Variants in TBL1X observed in about 807,000 individuals in gnomAD.
The protein encoded by TBL1X is F-box-like/WD repeat-containing protein TBL1X.
A neutral mutation model predicts 50.7 loss-of-function variants in TBL1X; 10 were observed. The observed-to-expected ratio is 0.20, with a 90% CI of 0.12 to 0.33. TBL1X has a LOEUF of 0.33. Among genes scored for constraint, TBL1X ranks in the 10% least tolerant of loss-of-function variants. The probability of loss-of-function intolerance (pLI) is 1.00; values close to 1 mark genes in which losing one functional copy is unlikely to be tolerated. For synonymous variants in TBL1X, 190 were observed against 214.7 expected, an observed-to-expected ratio of 0.88 and a Z score of 1.01; for missense variants, 340 against 504.4, an observed-to-expected ratio of 0.67 and a Z score of 3.12.
At chrX:9,664,135 A>G (rs1417452770) in intron 5 of TBL1X, among the ~76,000 whole-genome samples, 2 of 112,268 alleles carry the variant, frequency 1.8e-5, no homozygotes, top group African/African-American at 3.2e-5. Flanking sequence ...AGATGCCTAG[A>G]TGGGAGGAGA....
intron 11 of TBL1X, among the ~76,000 whole-genome samples, chrX:9,695,247 T>C (rs1040638290): frequency 5.3e-5 from 6 of 112,285 alleles, no homozygotes; most frequent in South Asian, 3.7e-4. Context: ...CCTAAAATTC[T>C]ACTACCTGGC....
At chrX:9,514,596 T>C (rs917787504) in intron 2 of TBL1X, among the ~76,000 whole-genome samples, 2 of 112,135 alleles carry the variant, frequency 1.8e-5, no homozygotes, top group African/African-American at 6.5e-5. Context: ...TTCTTTTGAT[T>C]AATTACACAC....
intron 5 of TBL1X, among the ~76,000 whole-genome samples, chrX:9,658,305 G>T (rs1199471259): frequency 9.0e-6 from 1 of 111,250 alleles, no homozygotes; most frequent in Non-Finnish European, 1.9e-5. Context: ...CTGGTCACTT[G>T]TGCTATCTGG....
rs1020040226 is a variant in TBL1X at position 9,716,365 on chromosome X, C to T, written c.*119C>T. ...ACTTGCGTTAGAGTGTACTCTGAAA[C>T]CAACTCGTCTCTGGCCGCAGGAGTC... On this transcript the variant is annotated 3_prime_UTR_variant, in exon 18 of 18. Transcript: ENST00000645353. The T allele has an allele frequency of 4.6e-5, 35 of 768,359 alleles. No individual in the cohort carries two copies. Among genetic ancestry groups the T allele is most frequent in the Admixed American group, 4.3e-4 (14 of 32,439 alleles). The allele number at this position is 768,359 out of a possible 1,213,427, so 63.3% of individuals were successfully genotyped here. A position where few individuals can be genotyped will look rare whatever the true frequency, so the allele number is the denominator to read the frequency against.
At chrX:9,701,712 G>A (rs977527608) in intron 12 of TBL1X, among the ~76,000 whole-genome samples, 1 of 111,026 alleles carries the variant, frequency 9.0e-6, no homozygotes, top group African/African-American at 3.3e-5. Context: ...AGATGGAGGA[G>A]TCATCAGATG....
At chrX:9,586,609 A>G (rs1203554573) in intron 2 of TBL1X, among the ~76,000 whole-genome samples, 1 of 112,330 alleles carries the variant, frequency 8.9e-6, no homozygotes, top group Admixed American at 9.4e-5. Context: ...GTACTTAAAA[A>G]TGGTTAAGAG....
At chrX:9,483,994 T>A (rs1474339030) in intron 1 of TBL1X, among the ~76,000 whole-genome samples, 1 of 112,088 alleles carries the variant, frequency 8.9e-6, no homozygotes, top group African/African-American at 3.2e-5. Flanking sequence ...TTGTATGAAG[T>A]GTGCAGTTTT....
chrX:9,653,442 T>C, intron 3 of TBL1X, 103 bp from the exon 4 acceptor site: 1 of 509,970 alleles, frequency 2.0e-6, no homozygotes, highest in Admixed American at 4.0e-5. Flanking sequence ...TCTGCCTGCC[T>C]TCTGGGCACC....
chrX:9,645,758 G>A (rs920351616), intron 3 of TBL1X, among the ~76,000 whole-genome samples: 1 of 111,891 alleles, frequency 8.9e-6, no homozygotes, highest in Non-Finnish European at 1.9e-5. Flanking sequence ...AAGAAAGCAA[G>A]CAACATAAAA....
intron 11 of TBL1X, among the ~76,000 whole-genome samples, chrX:9,693,715 G>A (rs924917438): frequency 3.6e-5 from 4 of 111,727 alleles, no homozygotes; most frequent in Admixed American, 1.9e-4. Context: ...TCAGTTGCTG[G>A]AAGGAGCCAC....
chrX:9,598,069 C>G (rs974777221), intron 2 of TBL1X, among the ~76,000 whole-genome samples: 34 of 111,563 alleles, frequency 3.0e-4, no homozygotes, highest in Admixed American at 2.2e-3. Context: ...AATTTGGACA[C>G]ACTCGTACAG....
chrX:9,472,584 TC>T (rs2081823555), intron 1 of TBL1X, among the ~76,000 whole-genome samples: 1 of 110,336 alleles, frequency 9.1e-6, no homozygotes, highest in South Asian at 3.9e-4. Flanking sequence ...GAGCTACTGT[TC>T]CTGGCCAACA....
chrX:9,654,762 A>T (rs771158113), intron 5 of TBL1X, among the ~76,000 whole-genome samples: 2 of 111,113 alleles, frequency 1.8e-5, no homozygotes, highest in South Asian at 3.9e-4. Flanking sequence ...TCGTCGTAGC[A>T]TCTTCCAACA....
At chrX:9,714,061 C>A (rs759850257) in intron 16 of TBL1X, among the ~76,000 whole-genome samples, 1 of 111,072 alleles carries the variant, frequency 9.0e-6, no homozygotes, top group Non-Finnish European at 1.9e-5. Context: ...TCCGTCCTCC[C>A]GCCTCGGCCT....
intron 5 of TBL1X, among the ~76,000 whole-genome samples, chrX:9,674,437 G>C (rs61394906): frequency 0.028 from 3,056 of 110,974 alleles, 111 homozygotes; most frequent in African/African-American, 0.096. Flanking sequence ...ATTTTTCGTA[G>C]TTTTTATAGT....
At chrX:9,564,007 G>A (rs780959686) in intron 2 of TBL1X, among the ~76,000 whole-genome samples, 2 of 112,918 alleles carry the variant, frequency 1.8e-5, no homozygotes, top group South Asian at 7.3e-4. Context: ...GAATGACATT[G>A]TATTTCTTAA....
intron 2 of TBL1X, among the ~76,000 whole-genome samples, chrX:9,570,650 A>G (rs1241528714): frequency 9.9e-6 from 1 of 101,379 alleles, no homozygotes; most frequent in African/African-American, 3.6e-5. Flanking sequence ...ATAAACAAGG[A>G]TGGTTTCCAG....
chrX:9,556,131 G>C (rs1325862978), intron 2 of TBL1X, among the ~76,000 whole-genome samples: 1 of 109,409 alleles, frequency 9.1e-6, no homozygotes, highest in Non-Finnish European at 1.9e-5. Flanking sequence ...AGAGGCTGCA[G>C]TGAGCTATGA....
chrX:9,497,775 T>TCC, intron 1 of TBL1X, among the ~76,000 whole-genome samples: 2 of 48,097 alleles, frequency 4.2e-5, no homozygotes, highest in South Asian at 1.9e-3. Flanking sequence ...CCTCCCTCCC[T>TCC]CTCTCTCTCC....
Sources: gnomAD v4.1 joint callset for allele counts (sites outside exome capture counted in the v4.1 genomes callset) on GRCh38, gnomAD v4.1.1 for gene constraint, MANE v1.5 for transcripts, NCBI Gene and HGNC (gene_info 2026-07-23, HGNC 2026-07-21) for gene names.